The following CMIP variants were observed in gnomAD, a reference collection of about 807,000 sequenced individuals.
CMIP encodes the protein c-Maf inducing protein.
CMIP carries 13 observed loss-of-function variants against 97.3 expected under a neutral mutation model. That is an observed-to-expected ratio of 0.13 (90% CI 0.09 to 0.21). The LOEUF is 0.21. Among genes scored for constraint, CMIP ranks in the 10% least tolerant of loss-of-function variants. The pLI is 1.00. For missense variants in CMIP, 847 were observed against 1,024.9 expected (o/e 0.83, Z 2.37); for synonymous variants, 538 against 436.3 (o/e 1.23, Z -2.91).
Position 81,691,763 on chromosome 16 carries a change from C to G in CMIP, c.1389-12C>G, listed in dbSNP as rs938225339. On this transcript the variant is annotated splice_polypyrimidine_tract_variant and intron_variant, in intron 10 of 20. Transcript: ENST00000537098. Reference sequence around the variant, plus strand: ...CCCAACCAAAGCTGACTGTCACCCTCTCTCATTCTAGGTCAGACTATGATG... The same window carrying G: ...CCCAACCAAAGCTGACTGTCACCCTGTCTCATTCTAGGTCAGACTATGATG... The G allele has an allele frequency of 2.5e-6, 4 of 1,612,946 alleles. No homozygotes were observed. Among genetic ancestry groups the G allele is most frequent in the East Asian group, 2.2e-5 (1 of 44,890 alleles).
chr16:81,484,113 C>T lies in CMIP; in HGVS notation c.300+38572C>T, dbSNP rs139440970. Among the ~76,000 whole-genome samples, 653 of 152,286 alleles carry T rather than the reference C, an allele frequency of 4.3e-3. 6 individuals carry two copies. The highest frequency in any genetic ancestry group is 0.01 in the African/African-American group (417 of 41,544). On this transcript the variant is annotated intron_variant, in intron 1 of 20. Transcript: ENST00000537098. Reference sequence around the variant, plus strand: ...CCAGATAGCGTTTTTGCCAAGTCACCGAGATAGTTTCAGGTCCTTGGCCAT... The same window carrying T: ...CCAGATAGCGTTTTTGCCAAGTCACTGAGATAGTTTCAGGTCCTTGGCCAT...
chr16:81,495,483 C>T (rs777840673), intron 1 of CMIP: 1 of 1,613,236 alleles, frequency 6.2e-7, no homozygotes, highest in South Asian at 1.1e-5. Context: ...AAGGATGGGA[C>T]AGGCTGCTGA....
intron 10 of CMIP, among the ~76,000 whole-genome samples, chr16:81,690,745 C>A (rs564814258): frequency 1.3e-5 from 2 of 152,134 alleles, no homozygotes; most frequent in Admixed American, 1.3e-4. Context: ...GCCAACATGG[C>A]AAAACCCCAT....
intron 1 of CMIP, among the ~76,000 whole-genome samples, chr16:81,598,968 CAAAA>C (rs141717317): frequency 4.0e-5 from 2 of 49,870 alleles, no homozygotes; most frequent in African/African-American, 8.0e-5. Context: ...GACTCTGTCT[CAAAA>C]AAAAAAAAAA....
At chr16:81,539,243 A>G (rs1407590860) in intron 1 of CMIP, among the ~76,000 whole-genome samples, 2 of 152,220 alleles carry the variant, frequency 1.3e-5, no homozygotes, top group African/African-American at 4.8e-5. Flanking sequence ...ACAGAAAAAC[A>G]TTTTGGGAAT....
At chr16:81,484,803 G>T (rs1486250597) in intron 1 of CMIP, among the ~76,000 whole-genome samples, 2 of 152,088 alleles carry the variant, frequency 1.3e-5, no homozygotes, top group Non-Finnish European at 2.9e-5. Flanking sequence ...ATCTTTGCCT[G>T]CCCGGGTGTC....
At chr16:81,645,924 T>C (rs189074645) in intron 3 of CMIP, 99 of 442,130 alleles carry the variant, frequency 2.2e-4, no homozygotes, top group African/African-American at 1.7e-3. Flanking sequence ...GTGCAAGTAA[T>C]AGACTGTAAG....
At chr16:81,605,278 G>A (rs535809488) in intron 1 of CMIP, among the ~76,000 whole-genome samples, 1 of 152,312 alleles carries the variant, frequency 6.6e-6, no homozygotes, top group Admixed American at 6.5e-5. Context: ...GGTGACACAT[G>A]GCAGCCGCCG....
intron 1 of CMIP, among the ~76,000 whole-genome samples, chr16:81,529,798 G>A (rs1016851330): frequency 6.6e-6 from 1 of 152,188 alleles, no homozygotes; most frequent in Non-Finnish European, 1.5e-5. Context: ...CTTGGAGAAC[G>A]GGCAAGGATA....
intron 7 of CMIP, among the ~76,000 whole-genome samples, chr16:81,667,799 AGTGTGTGTGTGTGTGT>A (rs71146027): frequency 1.7e-5 from 1 of 58,134 alleles, no homozygotes; most frequent in African/African-American, 7.0e-5. Context: ...AGAGAGAGAG[AGTGTGTGTGTGTGTGT>A]GTGTGTGTGT....
At chr16:81,664,440 G>A in intron 7 of CMIP, 91 bp downstream of exon 7, 1 of 1,296,510 alleles carries the variant, frequency 7.7e-7, no homozygotes, top group Non-Finnish European at 1.1e-6. Flanking sequence ...CACAGATTTG[G>A]GGAATGTGGT....
At chr16:81,686,029 C>G (rs2151070734) in intron 10 of CMIP, among the ~76,000 whole-genome samples, 1 of 152,328 alleles carries the variant, frequency 6.6e-6, no homozygotes, top group South Asian at 2.1e-4. Context: ...CCAGGGCAGC[C>G]CATCACTGTG....
intron 1 of CMIP, among the ~76,000 whole-genome samples, chr16:81,493,365 ACCTGTCG>A (rs2089435687): frequency 6.7e-6 from 1 of 150,184 alleles, no homozygotes; most frequent in Non-Finnish European, 1.5e-5. Flanking sequence ...ACCTGTCGTT[ACCTGTCG>A]TTACCTGTCG....
Position 81,652,428 on chromosome 16 carries a change from A to G in CMIP, c.639+64A>G. On this transcript the variant is annotated intron_variant, in intron 4 of 20. Coordinates refer to ENST00000537098, the MANE Select transcript of CMIP (RefSeq NM_198390.3). This position sits in a 1 kb window ranked among gnomAD's most constrained non-coding sequence, Gnocchi z 5.2. ...TTTCCCTCCACCGATCACCGGCTCC[A>G]TGCCAAGCAGCAGGCGCAGGCAGAG... 2 of 1,425,780 alleles carry G rather than the reference A, an allele frequency of 1.4e-6. No homozygotes were observed. Among genetic ancestry groups the G allele is most frequent in the South Asian group, 1.2e-5 (1 of 80,348 alleles). 88.3% of individuals were successfully genotyped at this position (1,425,780 alleles called of 1,614,324 possible). A position where few individuals can be genotyped will look rare whatever the true frequency, so the allele number is the denominator to read the frequency against.
intron 1 of CMIP, among the ~76,000 whole-genome samples, chr16:81,601,145 A>G (rs2091650291): frequency 6.6e-6 from 1 of 152,156 alleles, no homozygotes; most frequent in Non-Finnish European, 1.5e-5. Flanking sequence ...TTTCAACCCC[A>G]TCCCCGACTG....
intron 1 of CMIP, among the ~76,000 whole-genome samples, chr16:81,455,460 C>A (rs764129240): frequency 6.6e-6 from 1 of 152,246 alleles, no homozygotes; most frequent in Non-Finnish European, 1.5e-5. Context: ...GAGGGACCCA[C>A]GGAGAGGGAG....
At chr16:81,588,590 A>G (rs942661987) in intron 1 of CMIP, among the ~76,000 whole-genome samples, 1 of 152,160 alleles carries the variant, frequency 6.6e-6, no homozygotes, top group African/African-American at 2.4e-5. Context: ...CCATGGCTTC[A>G]GTAATTGCCA....
rs978638405 is a variant in CMIP at position 81,614,140 on chromosome 16, A to C, written c.426+6448A>C. ...AAGTGGCATTTCAGGAGGGACCTGA[A>C]GTGTAAGTAGGAGTCCAGCGGGCAG... On this transcript the variant is annotated intron_variant, in intron 2 of 20. Transcript: ENST00000537098. The surrounding 1 kb of genome is among the most constrained non-coding windows in gnomAD (Gnocchi z 5.3). Among the ~76,000 whole-genome samples, 1 of 152,222 alleles carries C rather than the reference A, an allele frequency of 6.6e-6. No homozygotes were observed. Among genetic ancestry groups the C allele is most frequent in the East Asian group, 1.9e-4 (1 of 5,180 alleles).
chr16:81,591,900 C>G (rs1318415306), intron 1 of CMIP, among the ~76,000 whole-genome samples: 1 of 151,640 alleles, frequency 6.6e-6, no homozygotes, highest in Non-Finnish European at 1.5e-5. Context: ...TCTTGGCTCA[C>G]TGCACCCTCC....
Sources: allele counts gnomAD v4.1 joint callset (sites outside exome capture counted in the v4.1 genomes callset), GRCh38; gene constraint gnomAD v4.1.1; non-coding constraint Gnocchi (gnomAD v3.1); transcripts MANE v1.5; gene names NCBI Gene and HGNC (gene_info 2026-07-23, HGNC 2026-07-21).